CFAP299: variants seen among roughly 807,000 people sequenced by gnomAD.
The protein encoded by CFAP299 is cilia and flagella associated protein 299.
In CFAP299, 21 loss-of-function variants were observed where a neutral mutation model predicts 27.0. The observed-to-expected ratio is 0.78, with a 90% CI of 0.55 to 1.12. The LOEUF is 1.12. CFAP299 is among the 50% of genes most tolerant of loss of function. CFAP299 has a pLI of 0.00. For missense variants in CFAP299, 310 were observed against 276.6 expected, an observed-to-expected ratio of 1.12 and a Z score of -0.86; for synonymous variants, 104 against 98.1, an observed-to-expected ratio of 1.06 and a Z score of -0.36.
chr4:80,545,431 C>T (rs1355177313), intron 2 of CFAP299, among the ~76,000 whole-genome samples: 4 of 151,846 alleles, frequency 2.6e-5, no homozygotes, highest in Admixed American at 6.6e-5. Context: ...TTACAAACCA[C>T]CCTACAGAAG....
At chr4:80,435,135 T>C (rs1164775209) in intron 2 of CFAP299, among the ~76,000 whole-genome samples, 1 of 152,198 alleles carries the variant, frequency 6.6e-6, no homozygotes, top group Non-Finnish European at 1.5e-5. Flanking sequence ...ACTTTTCCTG[T>C]ACTTCAAACC....
At chr4:80,872,428 T>C (rs1733148103) in intron 4 of CFAP299, 1 of 152,110 alleles carries the variant, frequency 6.6e-6, no homozygotes, top group African/African-American at 2.4e-5. Context: ...AGAGAAAAAC[T>C]TTTCCTTATC....
At chr4:80,761,904 C>T (rs994598563) in intron 3 of CFAP299, among the ~76,000 whole-genome samples, 1 of 151,736 alleles carries the variant, frequency 6.6e-6, no homozygotes, top group Non-Finnish European at 1.5e-5. Flanking sequence ...AATTATGAAT[C>T]TACAAACACC....
intron 1 of CFAP299, among the ~76,000 whole-genome samples, chr4:80,359,535 C>G (rs1211930613): frequency 6.6e-6 from 1 of 152,150 alleles, no homozygotes; most frequent in African/African-American, 2.4e-5. Flanking sequence ...TCTTTTCTCT[C>G]TATTCTTGTC....
At chr4:80,532,501 G>A (rs1733528584) in intron 2 of CFAP299, among the ~76,000 whole-genome samples, 1 of 152,152 alleles carries the variant, frequency 6.6e-6, no homozygotes, top group South Asian at 2.1e-4. Context: ...AGTTAGGATT[G>A]CCTTCTGCTA....
intron 4 of CFAP299, among the ~76,000 whole-genome samples, chr4:80,903,234 C>T (rs1735015723): frequency 6.6e-6 from 1 of 152,010 alleles, no homozygotes; most frequent in Admixed American, 6.6e-5. Context: ...TGGAAATGAG[C>T]TGTTGTTCTT....
chr4:80,544,670 C>T (rs1196850481), intron 2 of CFAP299, among the ~76,000 whole-genome samples: 1 of 152,116 alleles, frequency 6.6e-6, no homozygotes, highest in Non-Finnish European at 1.5e-5. Flanking sequence ...ATGTAACTAT[C>T]CTAAATATAT....
intron 3 of CFAP299, among the ~76,000 whole-genome samples, chr4:80,714,716 C>T (rs1722376802): frequency 6.6e-6 from 1 of 151,986 alleles, no homozygotes; most frequent in South Asian, 2.1e-4. Context: ...GCTACGTGCT[C>T]TTTCCCTTTG....
intron 3 of CFAP299, among the ~76,000 whole-genome samples, chr4:80,713,850 G>T (rs972943455): frequency 2.0e-5 from 3 of 152,074 alleles, no homozygotes; most frequent in African/African-American, 7.2e-5. Context: ...TAAAAGAATC[G>T]AAGTAAATGC....
At chr4:80,563,764 G>A (rs1289125749) in intron 2 of CFAP299, among the ~76,000 whole-genome samples, 2 of 151,888 alleles carry the variant, frequency 1.3e-5, no homozygotes, top group Admixed American at 6.6e-5. Context: ...CAAAGAGTTG[G>A]TTTTTGAAAA....
intron 2 of CFAP299, among the ~76,000 whole-genome samples, chr4:80,515,359 T>A (rs1732528096): frequency 6.6e-6 from 1 of 152,188 alleles, no homozygotes; most frequent in Non-Finnish European, 1.5e-5. Context: ...AACATTATTA[T>A]CCAAGCTGGC....
At chr4:80,352,219 T>C (rs1032828105) in intron 1 of CFAP299, among the ~76,000 whole-genome samples, 2 of 152,168 alleles carry the variant, frequency 1.3e-5, no homozygotes, top group Admixed American at 6.5e-5. Flanking sequence ...CATTCTGTTT[T>C]CAGTAATTGA....
At chr4:80,958,317 C>T (rs1201613561) in intron 5 of CFAP299, among the ~76,000 whole-genome samples, 1 of 150,822 alleles carries the variant, frequency 6.6e-6, no homozygotes, top group African/African-American at 2.4e-5. Context: ...ATTCAATGAA[C>T]ATTGTTTTCA....
At chr4:80,528,388 T>C (rs2110183814) in intron 2 of CFAP299, among the ~76,000 whole-genome samples, 1 of 152,264 alleles carries the variant, frequency 6.6e-6, no homozygotes, top group East Asian at 1.9e-4. Flanking sequence ...ATGGTTCATG[T>C]AGCATTCTCT....
chr4:80,386,238 G>A lies in CFAP299; in HGVS notation c.242+23354G>A, dbSNP rs188448966. 1,359 of 1,088,974 alleles carry A rather than the reference G, an allele frequency of 1.2e-3. 28 individuals are homozygous for A. In the African/African-American group the frequency reaches 0.02, roughly 16 times the overall value. The allele number at this position is 1,088,974 out of a possible 1,614,324, so 67.5% of individuals were successfully genotyped here. On this transcript the variant is annotated intron_variant, in intron 2 of 5. Transcript: ENST00000358105. ...GCATGGCACATGGGCCCTCGGCCCC[G>A]GCCTGCAGCCCCGCCAGAGCCAGGT...
intron 3 of CFAP299, among the ~76,000 whole-genome samples, chr4:80,758,539 G>A (rs554051103): frequency 1.1e-4 from 17 of 152,276 alleles, no homozygotes; most frequent in Non-Finnish European, 2.5e-4. Context: ...CATGGTTCCA[G>A]GCTTGAGAGT....
At chr4:80,896,829 A>C (rs771969622) in intron 4 of CFAP299, among the ~76,000 whole-genome samples, 4 of 152,156 alleles carry the variant, frequency 2.6e-5, no homozygotes, top group Non-Finnish European at 5.9e-5. Context: ...GAAGTGCTAT[A>C]ATAATGTATC....
chr4:80,466,899 G>A (rs995392413), intron 2 of CFAP299, among the ~76,000 whole-genome samples: 3 of 152,194 alleles, frequency 2.0e-5, no homozygotes, highest in Non-Finnish European at 4.4e-5. Flanking sequence ...AGAAAACTGT[G>A]TGCCAAAGTT....
At chr4:80,410,536 C>G (rs979746938) in intron 2 of CFAP299, among the ~76,000 whole-genome samples, 1 of 152,144 alleles carries the variant, frequency 6.6e-6, no homozygotes, top group Non-Finnish European at 1.5e-5. Flanking sequence ...TATCTCTGAT[C>G]TCCTCCTAAC....
Sources: gnomAD v4.1 joint callset for allele counts (sites outside exome capture counted in the v4.1 genomes callset) on GRCh38, gnomAD v4.1.1 for gene constraint, MANE v1.5 for transcripts, NCBI Gene and HGNC (gene_info 2026-07-23, HGNC 2026-07-21) for gene names.